Variants in LRRTM4 observed in about 807,000 individuals in gnomAD.
The protein encoded by LRRTM4 is leucine rich repeat transmembrane neuronal 4, also known as leucine-rich repeat transmembrane neuronal protein 4.
Under a neutral mutation model 47.6 loss-of-function variants are expected in LRRTM4, and 25 were observed. The ratio of observed to expected loss-of-function variants is 0.53; its 90% confidence interval spans 0.38 to 0.73. The LOEUF (loss-of-function observed/expected upper bound fraction) is 0.73. Among genes scored for constraint, LRRTM4 ranks in the 30% least tolerant of loss-of-function variants. LRRTM4 has a pLI of 0.00. For missense variants in LRRTM4, 638 were observed against 713.4 expected (o/e 0.89, Z 1.20); for synonymous variants, 311 against 269.5 (o/e 1.15, Z -1.51).
chr2:77,429,495 A>G (rs148283831), intron 3 of LRRTM4, among the ~76,000 whole-genome samples: 57 of 152,318 alleles, frequency 3.7e-4, no homozygotes, highest in African/African-American at 1.3e-3. Flanking sequence ...GTGATACTAT[A>G]CACAATGAAA....
chr2:77,478,420 A>T (rs763743586), intron 3 of LRRTM4, among the ~76,000 whole-genome samples: 5 of 152,184 alleles, frequency 3.3e-5, no homozygotes, highest in Non-Finnish European at 7.4e-5. Context: ...TCTTCTTTTT[A>T]CAATCCTCAT....
chr2:77,012,782 A>G lies in LRRTM4; in HGVS notation c.1552-263866T>C, dbSNP rs1405435640. Among the ~76,000 whole-genome samples the G allele has an allele frequency of 2.6e-5, 4 of 152,218 alleles. No individual in the cohort carries two copies. The East Asian group carries it at 7.7e-4, about 29-fold the overall frequency. The stretch of plus-strand genomic sequence containing the variant: ...CACACAATATAACTGAAATAAGGTA[A>G]GAAAAGCAGACAAGATTACCAACTC... On this transcript the variant is annotated intron_variant, in intron 3 of 3. Transcript: ENST00000409884.
At chr2:76,775,894 C>A (rs80287891) in intron 3 of LRRTM4, among the ~76,000 whole-genome samples, 2 of 151,938 alleles carry the variant, frequency 1.3e-5, no homozygotes, top group Non-Finnish European at 2.9e-5. Flanking sequence ...TCTCCCAATG[C>A]TATCCCTCCC....
At chr2:76,838,703 G>C (rs147422660) in intron 3 of LRRTM4, among the ~76,000 whole-genome samples, 18 of 152,080 alleles carry the variant, frequency 1.2e-4, no homozygotes, top group Middle Eastern at 3.4e-3. Context: ...CCAGAAACAT[G>C]TAAAAATGCA....
At chr2:76,775,684 T>A (rs949285651) in intron 3 of LRRTM4, among the ~76,000 whole-genome samples, 3 of 152,168 alleles carry the variant, frequency 2.0e-5, no homozygotes, top group African/African-American at 4.8e-5. Context: ...TGACTACATT[T>A]GCACGAAACA....
intron 3 of LRRTM4, among the ~76,000 whole-genome samples, chr2:76,901,497 T>A (rs890476672): frequency 2.6e-5 from 4 of 152,154 alleles, no homozygotes; most frequent in African/African-American, 9.7e-5. Flanking sequence ...GGGAGAGCAG[T>A]GTTAAGTCTA....
intron 3 of LRRTM4, among the ~76,000 whole-genome samples, chr2:76,990,420 G>T (rs1056440125): frequency 9.2e-5 from 14 of 151,806 alleles, no homozygotes; most frequent in Middle Eastern, 3.4e-3. Context: ...CATCTCCTAT[G>T]TAATAACACA....
intron 3 of LRRTM4, among the ~76,000 whole-genome samples, chr2:77,231,666 G>A (rs1166886552): frequency 1.3e-5 from 2 of 152,036 alleles, no homozygotes; most frequent in East Asian, 3.9e-4. Flanking sequence ...AATAATTATT[G>A]AGAACCCACT....
intron 3 of LRRTM4, among the ~76,000 whole-genome samples, chr2:77,460,212 A>G (rs910478091): frequency 2.0e-5 from 3 of 152,134 alleles, no homozygotes; most frequent in Non-Finnish European, 4.4e-5. Context: ...TCCCCCATGT[A>G]TTCAAGTAAC....
At chr2:76,946,143 G>A (rs774704253) in intron 3 of LRRTM4, among the ~76,000 whole-genome samples, 1 of 151,848 alleles carries the variant, frequency 6.6e-6, no homozygotes, top group Non-Finnish European at 1.5e-5. Context: ...TTTCCTGAAA[G>A]AAGGTAGAAA....
chr2:77,286,519 A>G (rs1676664075), intron 3 of LRRTM4, among the ~76,000 whole-genome samples: 2 of 151,956 alleles, frequency 1.3e-5, no homozygotes, highest in African/African-American at 2.4e-5. Context: ...AGCATCTACT[A>G]TTTTAGCATT....
At chr2:77,057,845 A>T (rs1679659859) in intron 3 of LRRTM4, among the ~76,000 whole-genome samples, 1 of 152,210 alleles carries the variant, frequency 6.6e-6, no homozygotes, top group South Asian at 2.1e-4. Context: ...GATAACTTTC[A>T]TGAAGAATAA....
chr2:77,417,850 A>G (rs555109971), intron 3 of LRRTM4, among the ~76,000 whole-genome samples: 13 of 152,266 alleles, frequency 8.5e-5, no homozygotes, highest in East Asian at 3.9e-4. Flanking sequence ...AACATGGCAC[A>G]TGTATACATA....
intron 3 of LRRTM4, among the ~76,000 whole-genome samples, chr2:77,162,811 C>T (rs541334995): frequency 2.6e-5 from 4 of 152,174 alleles, no homozygotes; most frequent in Admixed American, 6.6e-5. Context: ...ACACCAAAAC[C>T]CCATCTGTAT....
intron 3 of LRRTM4, among the ~76,000 whole-genome samples, chr2:77,139,885 G>C (rs879134074): frequency 6.6e-6 from 1 of 152,090 alleles, no homozygotes; most frequent in Non-Finnish European, 1.5e-5. Flanking sequence ...TTGCTTCAAA[G>C]AGAATAAAAT....
At chr2:76,916,758 G>A (rs950201036) in intron 3 of LRRTM4, among the ~76,000 whole-genome samples, 2 of 152,028 alleles carry the variant, frequency 1.3e-5, no homozygotes, top group African/African-American at 4.8e-5. Flanking sequence ...ACAAAACTCC[G>A]ATGTGCAAAA....
intron 3 of LRRTM4, among the ~76,000 whole-genome samples, chr2:77,350,931 C>G (rs1321733223): frequency 6.6e-6 from 1 of 152,018 alleles, no homozygotes; most frequent in East Asian, 1.9e-4. Flanking sequence ...TTTTAACTTG[C>G]ATTTTAAGTT....
intron 3 of LRRTM4, among the ~76,000 whole-genome samples, chr2:76,788,348 A>G (rs1375533219): frequency 6.6e-6 from 1 of 152,210 alleles, no homozygotes; most frequent in Non-Finnish European, 1.5e-5. Flanking sequence ...GTCTTGAATA[A>G]CCATTATCAG....
chr2:77,140,780 A>G (rs1400975840), intron 3 of LRRTM4, among the ~76,000 whole-genome samples: 2 of 152,310 alleles, frequency 1.3e-5, no homozygotes, highest in Admixed American at 1.3e-4. Flanking sequence ...GATTTACAAG[A>G]AAAAAACAAC....
Sources: allele counts gnomAD v4.1 joint callset (sites outside exome capture counted in the v4.1 genomes callset), GRCh38; gene constraint gnomAD v4.1.1; transcripts MANE v1.5; gene names NCBI Gene and HGNC (gene_info 2026-07-23, HGNC 2026-07-21).